Variants in IFT81 observed in about 807,000 individuals in gnomAD.
IFT81 encodes intraflagellar transport protein 81 homolog.
IFT81 carries 72 observed loss-of-function variants against 102.6 expected under a neutral mutation model. The ratio of observed to expected loss-of-function variants is 0.70; its 90% CI spans 0.58 to 0.85. The LOEUF is 0.85. Ranked by LOEUF, IFT81 falls within the 40% of genes least tolerant of loss-of-function variation. The pLI, the probability that IFT81 is intolerant of heterozygous loss-of-function variation, is 0.00. For synonymous variants in IFT81, 237 were observed against 242.7 expected (o/e 0.98, Z 0.22); for missense variants, 723 against 787.3 (o/e 0.92, Z 0.98).
At chr12:110,135,110 A>C in intron 6 of IFT81, 97 bp downstream of exon 6, 1 of 937,166 alleles carries the variant, frequency 1.1e-6, no homozygotes, top group Non-Finnish European at 1.7e-6. Context: ...GCATGAGTGT[A>C]CATCTGAGGA....
intron 18 of IFT81, among the ~76,000 whole-genome samples, chr12:110,216,231 C>A (rs1342528210): frequency 6.6e-6 from 1 of 152,142 alleles, no homozygotes; most frequent in Non-Finnish European, 1.5e-5. Flanking sequence ...CGCTCTGTTG[C>A]CCAGGCTGGA....
At chr12:110,209,936 C>T (rs1345797308) in intron 18 of IFT81, among the ~76,000 whole-genome samples, 1 of 152,132 alleles carries the variant, frequency 6.6e-6, no homozygotes, top group Non-Finnish European at 1.5e-5. Context: ...TTGAGATGCT[C>T]AGCTCCCTCC....
At chr12:110,216,784 A>G in intron 18 of IFT81, 1 of 348,072 alleles carries the variant, frequency 2.9e-6, no homozygotes, top group Non-Finnish European at 5.6e-6. Flanking sequence ...CCTATATAGC[A>G]TGAGTCCTGT....
chr12:110,144,863 C>CT (rs34675452), intron 9 of IFT81, among the ~76,000 whole-genome samples: 1,709 of 93,068 alleles, frequency 0.018, 43 homozygotes, highest in African/African-American at 0.047. Flanking sequence ...GGTGCAGTGC[C>CT]TTTTTTTTTT....
intron 11 of IFT81, among the ~76,000 whole-genome samples, chr12:110,176,955 C>G (rs960350979): frequency 1.4e-4 from 22 of 152,198 alleles, no homozygotes; most frequent in African/African-American, 5.3e-4. Context: ...GGGTTGATTT[C>G]ATTTTGGGCA....
chr12:110,191,890 GCCAGGCACGGTGGCTCACACCTGTAATC>G (rs1416132037), intron 13 of IFT81, among the ~76,000 whole-genome samples: 2 of 151,874 alleles, frequency 1.3e-5, no homozygotes, highest in Admixed American at 6.6e-5. Flanking sequence ...CCCTGTTCAG[GCCAGGCACGGTGGCTCACACCTGTAATC>G]CCAGCACTTT....
intron 10 of IFT81, among the ~76,000 whole-genome samples, chr12:110,155,059 T>C (rs1381647924): frequency 3.3e-5 from 5 of 152,236 alleles, no homozygotes; most frequent in Non-Finnish European, 5.9e-5. Context: ...TGGTCTGTCA[T>C]TAGGTGTGAA....
intron 10 of IFT81, among the ~76,000 whole-genome samples, 191 bp downstream of exon 10, chr12:110,147,239 G>A (rs1895279305): frequency 6.6e-6 from 1 of 152,162 alleles, no homozygotes; most frequent in Non-Finnish European, 1.5e-5. Context: ...TTGAAATTAC[G>A]ATACCCCTAA....
intron 11 of IFT81, among the ~76,000 whole-genome samples, chr12:110,170,979 G>T (rs1410068045): frequency 6.6e-6 from 1 of 152,200 alleles, no homozygotes; most frequent in Non-Finnish European, 1.5e-5. Context: ...TGCTGCAGCT[G>T]TCAGGTCCTG....
rs539658133 is a variant in IFT81 at position 110,196,576 on chromosome 12, G to A, written c.1557+3870G>A. Among the ~76,000 whole-genome samples the A allele has an allele frequency of 9.2e-4, 140 of 152,200 alleles. 2 individuals carry two copies. The highest frequency in any genetic ancestry group is 3.4e-3 in the Middle Eastern group (1 of 294). The stretch of plus-strand genomic sequence containing the variant: ...GTTAAAAAACAAAAACCAGCCCAGG[G>A]TAATAGCACATGCTTATAGTCCTAG... On this transcript the variant is annotated intron_variant, in intron 14 of 18. Coordinates refer to ENST00000242591, the MANE Select transcript of IFT81 (RefSeq NM_014055.4).
At chr12:110,181,904 G>A (rs1897324188) in intron 12 of IFT81, among the ~76,000 whole-genome samples, 1 of 152,158 alleles carries the variant, frequency 6.6e-6, no homozygotes, top group South Asian at 2.1e-4. Flanking sequence ...AAAAAGCCAA[G>A]CAAGAAAAGG....
Position 110,145,443 on chromosome 12 carries a change from GT to G in IFT81, c.946-1497del, listed in dbSNP as rs111355149. 9.9e-3 allele frequency among the ~76,000 whole-genome samples: 1,358 copies of G among 137,670 alleles called. 4 individuals carry two copies. The highest frequency in any genetic ancestry group is 0.01 in the Non-Finnish European group (651 of 62,620). 90.3% of individuals were successfully genotyped at this position (137,670 alleles called of 152,430 possible). A position where few individuals can be genotyped will look rare whatever the true frequency, so the allele number is the denominator to read the frequency against. On this transcript the variant is annotated intron_variant, in intron 9 of 18. Coordinates refer to ENST00000242591, the MANE Select transcript of IFT81 (RefSeq NM_014055.4). ...AATTCTGACTGTTTTGGTTTTTTTTGTTTTTTTTTTTTTGAGATGGAGTGTA... is the reference window on the plus strand; with the variant it reads ...AATTCTGACTGTTTTGGTTTTTTTTGTTTTTTTTTTTTGAGATGGAGTGTA...
At chr12:110,190,590 T>A (rs1379819874) in intron 12 of IFT81, among the ~76,000 whole-genome samples, 1 of 152,208 alleles carries the variant, frequency 6.6e-6, no homozygotes, top group Non-Finnish European at 1.5e-5. Context: ...AAATATTGGA[T>A]GAGTGAACAT....
intron 11 of IFT81, chr12:110,167,936 GA>G: frequency 4.4e-6 from 1 of 227,788 alleles, no homozygotes. Flanking sequence ...ACTGCAGCCT[GA>G]AACTCCTAGG....
chr12:110,210,289 G>A (rs151194736), intron 18 of IFT81, among the ~76,000 whole-genome samples: 134 of 152,232 alleles, frequency 8.8e-4, no homozygotes, highest in African/African-American at 3.0e-3. Context: ...ACTGAAGTAC[G>A]TAGATGAGAA....
chr12:110,194,678 ATAAT>A (rs1897930938), intron 14 of IFT81, among the ~76,000 whole-genome samples: 1 of 152,228 alleles, frequency 6.6e-6, no homozygotes, highest in South Asian at 2.1e-4. Flanking sequence ...GTTCTTAGCA[ATAAT>A]TAAAGCTATA....
intron 1 of IFT81, among the ~76,000 whole-genome samples, chr12:110,125,861 C>G (rs1488517032): frequency 6.6e-6 from 1 of 152,188 alleles, no homozygotes; most frequent in Non-Finnish European, 1.5e-5. Context: ...TGCCTGTGAA[C>G]AAGTTCATTC....
At chr12:110,129,158 A>AAC (rs1353924350) in intron 4 of IFT81, 28 bp downstream of exon 4, 1 of 1,490,796 alleles carries the variant, frequency 6.7e-7, no homozygotes, top group African/African-American at 1.4e-5. Flanking sequence ...GGTACATTGA[A>AAC]ACTGTAATGG....
In IFT81 at chr12:110,218,760, A is replaced by G. The variant is rs1474066249; in HGVS notation, c.*534A>G. ...GTTTGTATCATTTAAAGGCAAATAA[A>G]CTTGGTACGTATTTCATATCTATTT... is the stretch of plus-strand genomic sequence containing the variant. On this transcript the variant is annotated 3_prime_UTR_variant, in exon 19 of 19. Transcript: ENST00000242591. 6.6e-6 allele frequency: 1 copy of G among 152,180 alleles called. No individual in the cohort carries two copies. Among genetic ancestry groups the G allele is most frequent in the Admixed American group, 6.5e-5 (1 of 15,274 alleles). 9.4% of individuals were successfully genotyped at this position (152,180 alleles called of 1,614,324 possible). A position where few individuals can be genotyped will look rare whatever the true frequency, so the allele number is the denominator to read the frequency against.
Sources: allele counts gnomAD v4.1 joint callset (sites outside exome capture counted in the v4.1 genomes callset), GRCh38; gene constraint gnomAD v4.1.1; transcripts MANE v1.5; gene names NCBI Gene and HGNC (gene_info 2026-07-23, HGNC 2026-07-21).